Variants in PDE7B observed in about 807,000 individuals in gnomAD.
PDE7B encodes phosphodiesterase 7B.
PDE7B carries 29 observed loss-of-function variants against 56.2 expected under a neutral mutation model. That is an observed-to-expected ratio of 0.52 (90% confidence interval 0.38 to 0.70). PDE7B has a LOEUF of 0.70. Ranked by LOEUF, PDE7B falls within the 30% of genes least tolerant of loss-of-function variation. PDE7B has a pLI of 0.00. For missense variants in PDE7B, 490 were observed against 565.0 expected, an observed-to-expected ratio of 0.87 and a Z score of 1.35; for synonymous variants, 197 against 196.9, an observed-to-expected ratio of 1.00 and a Z score of 0.00.
chr6:136,191,013 C>CTTTTTTTTTTTT lies in PDE7B; in HGVS notation c.1127-588_1127-577dup, dbSNP rs752187218. ...CTGCCTTCTTTAGCTCCAGCATACA[C>CTTTTTTTTTTTT]TTTTTTTTTTTTTTTTTTTTTTTTA... On this transcript the variant is annotated intron_variant, in intron 12 of 12. Coordinates refer to ENST00000308191, the MANE Select transcript of PDE7B (RefSeq NM_018945.4). Among the ~76,000 whole-genome samples the CTTTTTTTTTTTT allele has an allele frequency of 5.6e-4, 56 of 99,288 alleles. 5 individuals are homozygous for CTTTTTTTTTTTT. Among genetic ancestry groups the CTTTTTTTTTTTT allele is most frequent in the African/African-American group, 4.1e-3 (46 of 11,120 alleles). 65.1% of individuals were successfully genotyped at this position (99,288 alleles called of 152,430 possible).
chr6:136,181,621 G>A (rs1185985576), intron 11 of PDE7B, among the ~76,000 whole-genome samples: 1 of 152,228 alleles, frequency 6.6e-6, no homozygotes, highest in Admixed American at 6.5e-5. Context: ...ATAAGAATGT[G>A]TGGGATAGTT....
intron 1 of PDE7B, among the ~76,000 whole-genome samples, chr6:135,931,812 A>T (rs1774295275): frequency 1.3e-5 from 2 of 152,188 alleles, no homozygotes; most frequent in South Asian, 2.1e-4. Flanking sequence ...GTACATGTGT[A>T]TGGGGAATGG....
At chr6:136,016,686 C>T (rs888501502) in intron 2 of PDE7B, among the ~76,000 whole-genome samples, 2 of 152,098 alleles carry the variant, frequency 1.3e-5, no homozygotes, top group Admixed American at 6.6e-5. Context: ...CACACCTCTC[C>T]CTAAGTATGG....
At chr6:135,983,116 A>G (rs372916708) in intron 2 of PDE7B, among the ~76,000 whole-genome samples, 20 of 152,334 alleles carry the variant, frequency 1.3e-4, no homozygotes, top group South Asian at 1.2e-3. Flanking sequence ...AAAGAAATGA[A>G]TCTCTAATGA....
chr6:136,159,594 C>T lies in PDE7B; in HGVS notation c.711+3836C>T, dbSNP rs548300332. ...CACTGAGACCTCCTAGGCTGGGGCTCTCATAGTGTTACCAAGGAGACCATT... is the reference window on the plus strand; with the variant it reads ...CACTGAGACCTCCTAGGCTGGGGCTTTCATAGTGTTACCAAGGAGACCATT... On this transcript the variant is annotated intron_variant, in intron 8 of 12. Transcript: ENST00000308191. Among the ~76,000 whole-genome samples the T allele has an allele frequency of 2.6e-5, 4 of 152,286 alleles. 1 individual carries two copies. In the South Asian group the frequency reaches 8.3e-4, roughly 32 times the overall value.
intron 2 of PDE7B, among the ~76,000 whole-genome samples, chr6:135,949,704 A>G (rs943030222): frequency 6.6e-6 from 1 of 152,084 alleles, no homozygotes; most frequent in Non-Finnish European, 1.5e-5. Context: ...AACCTTGTAG[A>G]TTTCATTAGT....
chr6:135,874,912 G>A (rs898987262), intron 1 of PDE7B, among the ~76,000 whole-genome samples: 8 of 151,998 alleles, frequency 5.3e-5, no homozygotes, highest in Non-Finnish European at 1.0e-4. Flanking sequence ...TGTATACTTT[G>A]AAGTTTGCCT....
At position 135,947,304 on chromosome 6, in the gene PDE7B, A is replaced by G. The variant is rs369100762; in HGVS notation, c.22-160A>G. On this transcript the variant is annotated intron_variant, in intron 1 of 12. Transcript: ENST00000308191. ...CAACTTATCCCTCAAATATTTTACTACCAGGCAAGTCTCTGCTCATGACAT... is the reference window on the plus strand; with the variant it reads ...CAACTTATCCCTCAAATATTTTACTGCCAGGCAAGTCTCTGCTCATGACAT... 9.2e-5 allele frequency among the ~76,000 whole-genome samples: 14 copies of G among 152,214 alleles called. 1 individual carries two copies. The highest frequency in any genetic ancestry group is 5.2e-4 in the Admixed American group (8 of 15,270).
chr6:136,086,628 A>G (rs1777296539), intron 2 of PDE7B, among the ~76,000 whole-genome samples: 1 of 152,194 alleles, frequency 6.6e-6, no homozygotes, highest in Non-Finnish European at 1.5e-5. Context: ...TCCCCCATCA[A>G]CACATCCAAA....
intron 2 of PDE7B, among the ~76,000 whole-genome samples, chr6:135,998,760 T>TA (rs939471975): frequency 6.3e-5 from 8 of 126,580 alleles, no homozygotes; most frequent in East Asian, 2.3e-4. Flanking sequence ...CATCTCAAAA[T>TA]AAAAAAAAAT....
intron 1 of PDE7B, among the ~76,000 whole-genome samples, chr6:135,853,283 A>G (rs1229286015): frequency 6.6e-6 from 1 of 152,336 alleles, no homozygotes; most frequent in South Asian, 2.1e-4. Context: ...TGTATTTCAA[A>G]GGGTTAAAAA....
intron 2 of PDE7B, chr6:136,095,786 C>G (rs1777461836): frequency 6.6e-6 from 1 of 152,152 alleles, no homozygotes; most frequent in Non-Finnish European, 1.5e-5. Flanking sequence ...AGCTTTGTCT[C>G]TCAGAGGATG....
Position 136,180,332 on chromosome 6 carries a change from G to A in PDE7B, c.949-895G>A, listed in dbSNP as rs187765411. On this transcript the variant is annotated intron_variant, in intron 10 of 12. Coordinates refer to ENST00000308191, the MANE Select transcript of PDE7B (RefSeq NM_018945.4). ...GTGAATAGCTGAAAGATTTGGCCTT[G>A]AACACTTGCATTTCGAAAGAAAGCC... is the stretch of plus-strand genomic sequence containing the variant. 5.3e-5 allele frequency among the ~76,000 whole-genome samples: 8 copies of A among 152,328 alleles called. No homozygotes were observed. The East Asian group carries it at 1.3e-3, about 26-fold the overall frequency.
chr6:136,179,998 C>G (rs948695830), intron 10 of PDE7B, among the ~76,000 whole-genome samples: 3 of 152,136 alleles, frequency 2.0e-5, no homozygotes, highest in African/African-American at 7.2e-5. Context: ...AACCTTCTTT[C>G]TTGATCTTCC....
At chr6:136,073,372 T>A (rs1777080166) in intron 2 of PDE7B, among the ~76,000 whole-genome samples, 1 of 152,240 alleles carries the variant, frequency 6.6e-6, no homozygotes, top group Non-Finnish European at 1.5e-5. Context: ...TACGGGCATA[T>A]GTCTTAATCA....
At chr6:136,115,429 G>A (rs1345790092) in intron 3 of PDE7B, among the ~76,000 whole-genome samples, 1 of 151,962 alleles carries the variant, frequency 6.6e-6, no homozygotes, top group Non-Finnish European at 1.5e-5. Flanking sequence ...AAGAAACCAG[G>A]AAAACATTGT....
chr6:135,928,480 TA>T (rs1774234727), intron 1 of PDE7B, among the ~76,000 whole-genome samples: 4 of 103,998 alleles, frequency 3.8e-5, no homozygotes, highest in Non-Finnish European at 7.7e-5. Context: ...TATATATATA[TA>T]TTTATTTATA....
At chr6:135,890,771 G>A (rs1775797145) in intron 1 of PDE7B, among the ~76,000 whole-genome samples, 1 of 152,146 alleles carries the variant, frequency 6.6e-6, no homozygotes, top group Non-Finnish European at 1.5e-5. Context: ...GGGAGGAAAT[G>A]CAGAAACTGC....
At chr6:136,022,707 G>T (rs1013512022) in intron 2 of PDE7B, among the ~76,000 whole-genome samples, 20 of 152,200 alleles carry the variant, frequency 1.3e-4, no homozygotes, top group African/African-American at 4.3e-4. Flanking sequence ...GGGAGCCATT[G>T]CCCTTCAGCT....
Sources: gnomAD v4.1 joint callset for allele counts (sites outside exome capture counted in the v4.1 genomes callset) on GRCh38, gnomAD v4.1.1 for gene constraint, MANE v1.5 for transcripts, NCBI Gene and HGNC (gene_info 2026-07-23, HGNC 2026-07-21) for gene names.